The following MYO1D variants were observed in gnomAD, a reference collection of about 807,000 sequenced individuals.
The protein encoded by MYO1D is myosin ID, also known as unconventional myosin-Id.
In MYO1D, 83 loss-of-function variants were observed where a neutral mutation model predicts 122.0. That is an observed-to-expected ratio of 0.68 (90% CI 0.57 to 0.82). The LOEUF (loss-of-function observed/expected upper bound fraction) is 0.82, where lower values mean the gene tolerates loss of function less well. Ranked by LOEUF, MYO1D falls within the 40% of genes least tolerant of loss-of-function variation. The probability of loss-of-function intolerance (pLI) is 0.00; values close to 1 mark genes in which losing one functional copy is unlikely to be tolerated. For missense variants in MYO1D, 1,157 were observed against 1,269.5 expected, an observed-to-expected ratio of 0.91 and a Z score of 1.35; for synonymous variants, 464 against 446.9, an observed-to-expected ratio of 1.04 and a Z score of -0.48.
chr17:32,731,627 C>G (rs1334081348), intron 14 of MYO1D, among the ~76,000 whole-genome samples: 2 of 152,190 alleles, frequency 1.3e-5, no homozygotes. Flanking sequence ...CAGCTGCTGC[C>G]ATGATGCTGG....
At chr17:32,684,925 A>G (rs1342584058) in intron 16 of MYO1D, among the ~76,000 whole-genome samples, 4 of 152,218 alleles carry the variant, frequency 2.6e-5, no homozygotes, top group Non-Finnish European at 5.9e-5. Context: ...GTTCTGTTAG[A>G]GTATGAAAAT....
At chr17:32,618,807 G>T (rs1312699036) in intron 20 of MYO1D, among the ~76,000 whole-genome samples, 1 of 151,736 alleles carries the variant, frequency 6.6e-6, no homozygotes, top group Non-Finnish European at 1.5e-5. Flanking sequence ...GCTAATTTTT[G>T]TATTTTTAGT....
intron 19 of MYO1D, among the ~76,000 whole-genome samples, chr17:32,646,677 G>A (rs2088299512): frequency 6.6e-6 from 1 of 152,062 alleles, no homozygotes; most frequent in South Asian, 2.1e-4. Flanking sequence ...CCTCAAAGCA[G>A]CAATTGTATG....
chr17:32,508,465 G>A (rs1037043285), intron 21 of MYO1D, among the ~76,000 whole-genome samples: 7 of 151,722 alleles, frequency 4.6e-5, no homozygotes, highest in South Asian at 2.1e-4. Flanking sequence ...TACTAGAGAC[G>A]GAATTTTGGT....
rs117470468 is a variant in MYO1D at position 32,574,245 on chromosome 17, G to A, written c.2864+30842C>T. On this transcript the variant is annotated intron_variant, in intron 21 of 21. Coordinates refer to ENST00000318217, the MANE Select transcript of MYO1D (RefSeq NM_015194.3). The stretch of plus-strand genomic sequence containing the variant: ...ACTTATCTCTCCGTACTTTACAGAA[G>A]CTTGTCTTTTAGCATCTAGTATAAG... Among the ~76,000 whole-genome samples the A allele has an allele frequency of 8.9e-3, 1,345 of 151,790 alleles. 10 individuals carry two copies. The highest frequency in any genetic ancestry group is 0.026 in the South Asian group (127 of 4,808).
intron 21 of MYO1D, among the ~76,000 whole-genome samples, chr17:32,554,307 G>A (rs926976281): frequency 6.6e-6 from 1 of 152,112 alleles, no homozygotes; most frequent in African/African-American, 2.4e-5. Flanking sequence ...GGCAGGAAAG[G>A]GTTGGAATCA....
intron 19 of MYO1D, among the ~76,000 whole-genome samples, chr17:32,653,128 T>G (rs1213368693): frequency 4.7e-5 from 7 of 149,258 alleles, no homozygotes; most frequent in Admixed American, 4.7e-4. Context: ...GGCGACAGAA[T>G]GAGACTCCGT....
At chr17:32,553,348 G>A (rs1011817849) in intron 21 of MYO1D, among the ~76,000 whole-genome samples, 2 of 152,216 alleles carry the variant, frequency 1.3e-5, no homozygotes, top group Admixed American at 6.5e-5. Flanking sequence ...GAATAGGACT[G>A]CCTTTACAGA....
intron 21 of MYO1D, among the ~76,000 whole-genome samples, chr17:32,521,210 C>T (rs1910126400): frequency 6.6e-6 from 1 of 152,114 alleles, no homozygotes; most frequent in African/African-American, 2.4e-5. Flanking sequence ...GGCCAGATGG[C>T]CTGCCTCCCT....
chr17:32,755,480 T>C lies in MYO1D; in HGVS notation c.1467+12A>G. The stretch of plus-strand genomic sequence containing the variant: ...ACAGATAAAAGGAAGAAGGTGTCAT[T>C]AAACACATTACCTTTCGGCTGGAAA... On this transcript the variant is annotated intron_variant, in intron 11 of 21. Transcript: ENST00000318217. 1 of 1,612,118 alleles carries C rather than the reference T, an allele frequency of 6.2e-7. No individual in the cohort carries two copies. The highest frequency in any genetic ancestry group is 2.2e-5 in the East Asian group (1 of 44,854).
chr17:32,558,526 G>A (rs373228672), intron 21 of MYO1D, among the ~76,000 whole-genome samples: 20 of 152,248 alleles, frequency 1.3e-4, no homozygotes, highest in African/African-American at 4.3e-4. Context: ...ATGCAAGGGC[G>A]CATTGTCAGA....
At chr17:32,651,313 A>G (rs1319517266) in intron 19 of MYO1D, among the ~76,000 whole-genome samples, 1 of 152,198 alleles carries the variant, frequency 6.6e-6, no homozygotes, top group Admixed American at 6.5e-5. Context: ...GCACATATGT[A>G]TGTGCTGATC....
rs978377855 is a variant in MYO1D, at chr17:32,840,877, G to A, written c.95+35901C>T. Among the ~76,000 whole-genome samples, 5 of 152,076 alleles carry A rather than the reference G, an allele frequency of 3.3e-5. No homozygotes were observed. In the South Asian group the frequency reaches 8.3e-4, roughly 25 times the overall value. Reference sequence around the variant, plus strand: ...TAACTTATGATGGTTTGATTTTTTTGACTTCATAATGGTGCAAAAGTGATA... The same window carrying A: ...TAACTTATGATGGTTTGATTTTTTTAACTTCATAATGGTGCAAAAGTGATA... On this transcript the variant is annotated intron_variant, in intron 1 of 21. Coordinates refer to ENST00000318217, the MANE Select transcript of MYO1D (RefSeq NM_015194.3).
chr17:32,738,308 G>A lies in MYO1D; in HGVS notation c.1691C>T (p.Ala564Val). 2 of 1,610,224 alleles carry A rather than the reference G, an allele frequency of 1.2e-6. No homozygotes were observed. Among genetic ancestry groups the A allele is most frequent in the Admixed American group, 3.4e-5 (2 of 59,516 alleles). Reference sequence around the variant, plus strand: ...CATAGAATTCTTAAACAAGGTAGCAGCAGTCAGAGGTCGCTTGGTCACCTC... The same window carrying A: ...CATAGAATTCTTAAACAAGGTAGCAACAGTCAGAGGTCGCTTGGTCACCTC... ...ITEVTKRPLT[A>V]ATLFKNSMIA... Residue 564 changes from alanine (A) to valine (V), a missense_variant, in exon 14 of 22, where the codon GCT (alanine) becomes GTT (valine). By Grantham distance (64) the Ala-to-Val change is moderately conservative. Coordinates refer to ENST00000318217, the MANE Select transcript of MYO1D (RefSeq NM_015194.3).
intron 19 of MYO1D, among the ~76,000 whole-genome samples, chr17:32,653,607 CAAAAAAAAAAA>C (rs35172819): frequency 1.0e-5 from 1 of 99,994 alleles, no homozygotes; most frequent in South Asian, 3.4e-4. Context: ...ACTCCGTCTC[CAAAAAAAAAAA>C]AAAAAAAAAA....
At chr17:32,830,678 A>G (rs1028925673) in intron 1 of MYO1D, among the ~76,000 whole-genome samples, 1 of 152,234 alleles carries the variant, frequency 6.6e-6, no homozygotes, top group African/African-American at 2.4e-5. Flanking sequence ...AACACAAAAT[A>G]TTAAGCATGG....
intron 11 of MYO1D, among the ~76,000 whole-genome samples, chr17:32,755,093 G>A (rs1385006843): frequency 1.3e-5 from 2 of 152,208 alleles, no homozygotes; most frequent in African/African-American, 4.8e-5. Flanking sequence ...TTTTGTTACT[G>A]AGGATTACAG....
chr17:32,577,248 C>T (rs1366928345), intron 21 of MYO1D, among the ~76,000 whole-genome samples: 4 of 138,408 alleles, frequency 2.9e-5, no homozygotes, highest in African/African-American at 1.1e-4. Flanking sequence ...GGGACTCAGT[C>T]TCAGGAAAAA....
intron 21 of MYO1D, among the ~76,000 whole-genome samples, chr17:32,562,088 T>A (rs2043138496): frequency 1.3e-5 from 2 of 152,034 alleles, no homozygotes; most frequent in South Asian, 4.1e-4. Context: ...CCTCCTGGGT[T>A]TAAGCCACTC....
Sources: gnomAD v4.1 joint callset for allele counts (sites outside exome capture counted in the v4.1 genomes callset) on GRCh38, gnomAD v4.1.1 for gene constraint, MANE v1.5 for transcripts, NCBI Gene and HGNC (gene_info 2026-07-23, HGNC 2026-07-21) for gene names.